The following TACC1 variants were observed in gnomAD, a reference collection of about 807,000 sequenced individuals.
TACC1 encodes the protein transforming acidic coiled-coil containing protein 1, also known as transforming acidic coiled-coil-containing protein 1.
Under a neutral mutation model 84.4 loss-of-function variants are expected in TACC1, and 48 were observed. The observed-to-expected ratio is 0.57, with a 90% CI of 0.45 to 0.72. The LOEUF is 0.72. Among genes scored for constraint, TACC1 ranks in the 30% least tolerant of loss-of-function variants. TACC1 has a pLI of 0.00. For synonymous variants in TACC1, 372 were observed against 376.3 expected (o/e 0.99, Z 0.13); for missense variants, 920 against 973.0 (o/e 0.95, Z 0.72).
rs563514488 is a variant in TACC1 at position 38,753,225 on chromosome 8, G to C, written c.26+7732G>C. ...AGTGATCCTCCTACTTCACGCTCCTGAGTATCTGTGACTGCAGGTGAGCCC... is the reference window on the plus strand; with the variant it reads ...AGTGATCCTCCTACTTCACGCTCCTCAGTATCTGTGACTGCAGGTGAGCCC... On this transcript the variant is annotated intron_variant, in intron 3 of 14. Coordinates refer to the TACC1 transcript ENST00000518415. 1.1e-3 allele frequency among the ~76,000 whole-genome samples: 161 copies of C among 152,132 alleles called. 2 individuals carry two copies. Among genetic ancestry groups the C allele is most frequent in the African/African-American group, 3.6e-3 (151 of 41,494 alleles).
In TACC1 at chr8:38,838,802, A is replaced by G. The variant is rs187465280; in HGVS notation, c.1916+256A>G. Among the ~76,000 whole-genome samples, 17 of 152,258 alleles carry G rather than the reference A, an allele frequency of 1.1e-4. No homozygotes were observed. In the East Asian group the frequency reaches 1.7e-3, roughly 16 times the overall value. On this transcript the variant is annotated intron_variant, in intron 8 of 12. Transcript: ENST00000317827. Reference sequence around the variant, plus strand: ...TGTAAACAGAACCCACATAATTCTTATCTTCTTAGAACTGACAGAAATTTG... The same window carrying G: ...TGTAAACAGAACCCACATAATTCTTGTCTTCTTAGAACTGACAGAAATTTG...
intron 8 of TACC1, chr8:38,839,423 G>T: frequency 2.6e-6 from 1 of 388,024 alleles, no homozygotes; most frequent in South Asian, 1.3e-4. Flanking sequence ...GTCAACACTT[G>T]AATGATTAAA....
In TACC1 at chr8:38,839,683, A is replaced by G. The variant is rs565691022; in HGVS notation, c.1917-541A>G. 24 of 201,026 alleles carry G rather than the reference A, an allele frequency of 1.2e-4. No homozygotes were observed. The South Asian group carries it at 4.4e-3, about 37-fold the overall frequency. The allele number at this position is 201,026 out of a possible 1,614,324, so 12.5% of individuals were successfully genotyped here. A position where few individuals can be genotyped will look rare whatever the true frequency, so the allele number is the denominator to read the frequency against. The stretch of plus-strand genomic sequence containing the variant: ...CAGCACCGGACTGGGTCAGAAGGAC[A>G]TTGTCATTCTTCACTAGAAGAAAGG... On this transcript the variant is annotated intron_variant, in intron 8 of 12. Transcript: ENST00000317827.
intron 2 of TACC1, among the ~76,000 whole-genome samples, chr8:38,812,251 C>A (rs1226719569): frequency 2.6e-5 from 4 of 152,174 alleles, no homozygotes; most frequent in African/African-American, 9.7e-5. Flanking sequence ...GCCTTGTGAT[C>A]TTTATTGGCC....
intron 3 of TACC1, among the ~76,000 whole-genome samples, chr8:38,747,437 A>T (rs1197494232): frequency 3.3e-5 from 5 of 152,262 alleles, no homozygotes; most frequent in African/African-American, 1.2e-4. Context: ...ATAATTGCCA[A>T]AAGCTGGAAG....
intron 2 of TACC1, among the ~76,000 whole-genome samples, chr8:38,795,663 G>A (rs769896670): frequency 8.5e-5 from 13 of 152,154 alleles, no homozygotes; most frequent in East Asian, 1.9e-4. Context: ...CCAGAGTAGC[G>A]ATGGGAGATA....
intron 3 of TACC1, among the ~76,000 whole-genome samples, chr8:38,768,221 A>G (rs940713548): frequency 8.5e-5 from 13 of 152,160 alleles, no homozygotes; most frequent in Admixed American, 5.2e-4. Context: ...CCTGCCTCTC[A>G]GGGGTGTGTC....
At chr8:38,831,497 G>GTTA (rs1023133500) in intron 6 of TACC1, among the ~76,000 whole-genome samples, 14 of 151,808 alleles carry the variant, frequency 9.2e-5, no homozygotes, top group African/African-American at 9.7e-5. Flanking sequence ...TATTATTGTT[G>GTTA]TTATTATTAT....
Position 38,820,756 on chromosome 8 carries a change from G to T in TACC1, c.1391+121G>T, listed in dbSNP as rs377617838. On this transcript the variant is annotated intron_variant, in intron 3 of 12. Transcript: ENST00000317827. ...TGAGGTGCACCGAGGTTCATACAAA[G>T]CTTATAATGTTATCCTGCAGTCTTC... 1.5e-5 allele frequency: 20 copies of T among 1,359,988 alleles called. No homozygotes were observed. In the African/African-American group the frequency reaches 2.9e-4, roughly 20 times the overall value. 84.2% of individuals were successfully genotyped at this position (1,359,988 alleles called of 1,614,324 possible). A position where few individuals can be genotyped will look rare whatever the true frequency, so the allele number is the denominator to read the frequency against.
intron 3 of TACC1, 94 bp from the exon 4 acceptor site, chr8:38,825,214 T>C: frequency 7.4e-7 from 1 of 1,349,106 alleles, no homozygotes; most frequent in Non-Finnish European, 1.1e-6. Context: ...TGCTTTGGCT[T>C]CTATCCGCAC....
chr8:38,743,322 GAATA>G (rs1397084871), intron 2 of TACC1, among the ~76,000 whole-genome samples: 1 of 149,614 alleles, frequency 6.7e-6, no homozygotes, highest in East Asian at 2.0e-4. Context: ...ATGAATGAAT[GAATA>G]ACTCAGGCAG....
intron 3 of TACC1, 25 bp from the exon 4 acceptor site, chr8:38,825,283 T>C (rs1321921060): frequency 4.3e-6 from 7 of 1,613,714 alleles, no homozygotes; most frequent in Non-Finnish European, 5.9e-6. Flanking sequence ...GCAAACTGGC[T>C]TGTTTGTGTT....
intron 1 of TACC1, among the ~76,000 whole-genome samples, chr8:38,735,201 G>A (rs1010703719): frequency 1.3e-5 from 2 of 152,184 alleles, no homozygotes; most frequent in African/African-American, 2.4e-5. Context: ...CTCTCTATTC[G>A]AAACCCTTCA....
intron 3 of TACC1, among the ~76,000 whole-genome samples, chr8:38,759,961 T>A (rs1587356087): frequency 6.6e-6 from 1 of 152,140 alleles, no homozygotes; most frequent in Admixed American, 6.6e-5. Context: ...CATATGGCTG[T>A]CATGGATAAC....
chr8:38,742,816 G>A (rs1807332474), intron 2 of TACC1, among the ~76,000 whole-genome samples: 1 of 152,210 alleles, frequency 6.6e-6, no homozygotes, highest in African/African-American at 2.4e-5. Flanking sequence ...CCAGGTTCAA[G>A]CAATTCCCCT....
chr8:38,814,976 G>C (rs1240025226), intron 2 of TACC1, among the ~76,000 whole-genome samples: 1 of 152,122 alleles, frequency 6.6e-6, no homozygotes, highest in Non-Finnish European at 1.5e-5. Flanking sequence ...GATTTACTTA[G>C]GTAACAAGTT....
intron 3 of TACC1, among the ~76,000 whole-genome samples, chr8:38,765,694 T>C (rs989571018): frequency 1.3e-5 from 2 of 152,216 alleles, no homozygotes; most frequent in Non-Finnish European, 2.9e-5. Flanking sequence ...TTATTATGTA[T>C]GTGGGAATTT....
chr8:38,769,123 G>A (rs1225799062), intron 3 of TACC1, among the ~76,000 whole-genome samples: 2 of 149,012 alleles, frequency 1.3e-5, no homozygotes, highest in Non-Finnish European at 3.0e-5. Flanking sequence ...ATGGGTGGGG[G>A]TGTGTGTGGT....
chr8:38,736,332 C>A (rs1587038298), intron 1 of TACC1, among the ~76,000 whole-genome samples: 1 of 152,172 alleles, frequency 6.6e-6, no homozygotes. Context: ...CACTGTGGCT[C>A]ATGCCTGTGT....
Sources: allele counts gnomAD v4.1 joint callset (sites outside exome capture counted in the v4.1 genomes callset), GRCh38; gene constraint gnomAD v4.1.1; transcripts MANE v1.5; gene names NCBI Gene and HGNC (gene_info 2026-07-23, HGNC 2026-07-21).